Variants in MCF2L2 observed in about 807,000 individuals in gnomAD.
MCF2L2 encodes the protein MCF.2 cell line derived transforming sequence-like 2, also known as probable guanine nucleotide exchange factor MCF2L2.
Under a neutral mutation model 150.2 loss-of-function variants are expected in MCF2L2, and 102 were observed. The observed-to-expected ratio is 0.68, with a 90% CI of 0.58 to 0.80. The LOEUF (loss-of-function observed/expected upper bound fraction) is 0.80, where lower values mean the gene tolerates loss of function less well. MCF2L2 is among the 30% of genes least tolerant of loss of function. The pLI, the probability that MCF2L2 is intolerant of heterozygous loss-of-function variation, is 0.00. For synonymous variants in MCF2L2, 465 were observed against 491.3 expected, an observed-to-expected ratio of 0.95 and a Z score of 0.71; for missense variants, 1,256 against 1,372.8, an observed-to-expected ratio of 0.91 and a Z score of 1.34.
intron 22 of MCF2L2, 29 bp downstream of exon 22, chr3:183,215,940 A>G: frequency 6.2e-7 from 1 of 1,603,716 alleles, no homozygotes; most frequent in Non-Finnish European, 8.5e-7. Flanking sequence ...CTTTTGTGTG[A>G]GATGCTCTAA....
chr3:183,333,869 C>T (rs1374043761), intron 5 of MCF2L2, among the ~76,000 whole-genome samples: 1 of 151,126 alleles, frequency 6.6e-6, no homozygotes, highest in African/African-American at 2.4e-5. Context: ...GGAACCAGGG[C>T]TCTTAAGAGA....
At chr3:183,184,025 G>GT (rs918545511) in intron 27 of MCF2L2, among the ~76,000 whole-genome samples, 2 of 151,960 alleles carry the variant, frequency 1.3e-5, no homozygotes, top group African/African-American at 4.8e-5. Flanking sequence ...TTGTTTTTTT[G>GT]TTTGTTTTTG....
rs1726604374 is a variant in MCF2L2, at chr3:183,270,083, A to G, written c.1862+6789T>C. Reference sequence around the variant, plus strand: ...ACGTCCTCCTTTTACTGTTTGTAAAAACTGCTCCTGAAAACTATGATCGAC... The same window carrying G: ...ACGTCCTCCTTTTACTGTTTGTAAAGACTGCTCCTGAAAACTATGATCGAC... On this transcript the variant is annotated intron_variant, in intron 15 of 29. Transcript: ENST00000328913. The surrounding 1 kb of genome is among the most constrained non-coding windows in gnomAD (Gnocchi z 4.5). 6.2e-7 allele frequency: 1 copy of G among 1,614,160 alleles called. No homozygotes were observed.
rs184489696 is a variant in MCF2L2, at chr3:183,387,317, G to A, written c.160+2379C>T. On this transcript the variant is annotated intron_variant, in intron 2 of 29. Coordinates refer to ENST00000328913, the MANE Select transcript of MCF2L2 (RefSeq NM_015078.4). ...AGAAGACAAACTTAAATGACAAAAG[G>A]AACTCAGAAATGAAGGGTTATCTTT... 2.5e-3 allele frequency among the ~76,000 whole-genome samples: 375 copies of A among 151,474 alleles called. 1 individual carries two copies. The highest frequency in any genetic ancestry group is 0.017 in the Middle Eastern group (5 of 290).
chr3:183,369,568 T>C (rs1159649641), intron 3 of MCF2L2, among the ~76,000 whole-genome samples: 2 of 152,098 alleles, frequency 1.3e-5, no homozygotes, highest in Non-Finnish European at 2.9e-5. Context: ...ACTCTTCCTA[T>C]AGCTTACTGA....
chr3:183,363,868 A>G lies in MCF2L2; in HGVS notation c.275+15429T>C, dbSNP rs565793457. Among the ~76,000 whole-genome samples, 190 of 152,380 alleles carry G rather than the reference A, an allele frequency of 1.2e-3. 1 individual carries two copies. The highest frequency in any genetic ancestry group is 2.8e-4 in the Non-Finnish European group (19 of 68,038). ...AGGAAGATATAATGAATATGTCTTC[A>G]GCTTTACATGCCAGTAACAGAGGAT... On this transcript the variant is annotated intron_variant, in intron 3 of 29. Coordinates refer to ENST00000328913, the MANE Select transcript of MCF2L2 (RefSeq NM_015078.4).
At chr3:183,295,561 C>T in intron 12 of MCF2L2, 84 bp from the exon 13 acceptor site, 1 of 1,316,626 alleles carries the variant, frequency 7.6e-7, no homozygotes, top group South Asian at 1.2e-5. Flanking sequence ...CTCCCACCTT[C>T]CCCTACTCCC....
At chr3:183,196,490 T>A (rs1722087241) in intron 25 of MCF2L2, among the ~76,000 whole-genome samples, 1 of 152,120 alleles carries the variant, frequency 6.6e-6, no homozygotes, top group Non-Finnish European at 1.5e-5. Context: ...TGGGACACCA[T>A]CTTCTCAACA....
chr3:183,261,967 A>T (rs1295904548), intron 15 of MCF2L2, among the ~76,000 whole-genome samples: 2 of 146,932 alleles, frequency 1.4e-5, no homozygotes, highest in African/African-American at 5.1e-5. Flanking sequence ...GCATTAAAAA[A>T]AAAAAAAAAA....
chr3:183,352,639 C>A (rs957073518), intron 3 of MCF2L2, among the ~76,000 whole-genome samples: 4 of 152,146 alleles, frequency 2.6e-5, no homozygotes, highest in Non-Finnish European at 4.4e-5. Context: ...GGAAAGCCAG[C>A]AAAGAACAGC....
intron 3 of MCF2L2, among the ~76,000 whole-genome samples, chr3:183,356,226 A>T (rs1008480527): frequency 1.3e-5 from 2 of 152,014 alleles, no homozygotes; most frequent in Non-Finnish European, 2.9e-5. Flanking sequence ...ATAAAAAAAA[A>T]AAGTATTGCC....
At chr3:183,284,212 A>G (rs1727664151) in intron 14 of MCF2L2, among the ~76,000 whole-genome samples, 1 of 152,188 alleles carries the variant, frequency 6.6e-6, no homozygotes, top group Non-Finnish European at 1.5e-5. Flanking sequence ...ACAAAAATAC[A>G]TTCTCATAGA....
intron 3 of MCF2L2, among the ~76,000 whole-genome samples, chr3:183,352,175 G>A (rs1462884232): frequency 6.6e-6 from 1 of 152,142 alleles, no homozygotes; most frequent in Non-Finnish European, 1.5e-5. Context: ...CATCCTGAGT[G>A]GAAAGTCACT....
intron 5 of MCF2L2, among the ~76,000 whole-genome samples, chr3:183,330,973 C>T (rs1730250425): frequency 6.6e-6 from 1 of 152,004 alleles, no homozygotes; most frequent in African/African-American, 2.4e-5. Flanking sequence ...GAGACTGCCC[C>T]GCCACCCCCA....
intron 1 of MCF2L2, among the ~76,000 whole-genome samples, chr3:183,401,615 G>A (rs747258378): frequency 1.9e-4 from 29 of 152,146 alleles, no homozygotes; most frequent in Non-Finnish European, 2.6e-4. Context: ...CTGGTTCCCA[G>A]GCAACCACCA....
intron 27 of MCF2L2, among the ~76,000 whole-genome samples, chr3:183,188,861 G>A (rs502289): frequency 0.8 from 121,874 of 152,092 alleles, 49,064 homozygotes; most frequent in East Asian, 0.93. Flanking sequence ...CCAGCTACTC[G>A]GAAGGCTGAG....
chr3:183,354,057 A>G (rs1427422936), intron 3 of MCF2L2, among the ~76,000 whole-genome samples: 1 of 152,160 alleles, frequency 6.6e-6, no homozygotes, highest in Non-Finnish European at 1.5e-5. Context: ...CATAACAGAA[A>G]GCGGGGTCAG....
At chr3:183,275,336 A>C (rs757001350) in intron 15 of MCF2L2, among the ~76,000 whole-genome samples, 19 of 152,166 alleles carry the variant, frequency 1.2e-4, no homozygotes, top group Non-Finnish European at 1.2e-4. Flanking sequence ...GCAAAACTCA[A>C]ATCTATAAAA....
chr3:183,387,081 C>A (rs920918878), intron 2 of MCF2L2, among the ~76,000 whole-genome samples: 10 of 151,958 alleles, frequency 6.6e-5, no homozygotes, highest in African/African-American at 2.4e-4. Context: ...CATGGCAAAA[C>A]CCCATCTCTA....
Sources: gnomAD v4.1 joint callset for allele counts (sites outside exome capture counted in the v4.1 genomes callset) on GRCh38, gnomAD v4.1.1 for gene constraint, Gnocchi (gnomAD v3.1) non-coding constraint, MANE v1.5 for transcripts, NCBI Gene and HGNC (gene_info 2026-07-23, HGNC 2026-07-21) for gene names.